The following MZF1 variants were observed in gnomAD, a reference collection of about 807,000 sequenced individuals.
MZF1 encodes myeloid zinc finger 1.
In MZF1, 24 loss-of-function variants were observed where a neutral mutation model predicts 28.6. The ratio of observed to expected loss-of-function variants is 0.84; its 90% CI spans 0.61 to 1.18. The LOEUF (loss-of-function observed/expected upper bound fraction) is 1.18. MZF1 is among the 50% of genes most tolerant of loss of function. MZF1 has a pLI of 0.00. For missense variants in MZF1, 1,166 were observed against 1,026.4 expected (o/e 1.14, Z -1.86); for synonymous variants, 516 against 432.5 (o/e 1.19, Z -2.40).
At chr19:58,570,585 T>C in intron 2 of MZF1, 58 bp from the exon 3 acceptor site, 1 of 1,534,814 alleles carries the variant, frequency 6.5e-7, no homozygotes. Context: ...GGCCGCAACC[T>C]GGGGTTTGTG....
intron 5 of MZF1, among the ~76,000 whole-genome samples, chr19:58,566,635 T>C (rs1465411405): frequency 1.3e-5 from 2 of 152,100 alleles, no homozygotes; most frequent in African/African-American, 2.4e-5. Flanking sequence ...TCCTAACATA[T>C]GAATGTATTA....
At position 58,563,178 on chromosome 19, in the gene MZF1, G is replaced by C; in HGVS notation, c.1099C>G (p.Gln367Glu). Residue 367 changes from glutamine to glutamate, a missense_variant, in exon 6 of 6, where the codon CAA becomes GAA. Physicochemically the swap from Gln to Glu is conservative, Grantham distance 29. Coordinates refer to ENST00000215057, the MANE Select transcript of MZF1 (RefSeq NM_198055.2). ...TGGTGCCTCAGCAGGTTGCTGCGTTGGCTGAACACCTTGCCACATACATCG... is the reference window on the plus strand; with the variant it reads ...TGGTGCCTCAGCAGGTTGCTGCGTTCGCTGAACACCTTGCCACATACATCG... ...RCDVCGKVFS[Q>E]RSNLLRHQKI... 1 of 1,610,850 alleles carries C rather than the reference G, an allele frequency of 6.2e-7. No individual in the cohort carries two copies. Among genetic ancestry groups the C allele is most frequent in the Non-Finnish European group, 8.5e-7 (1 of 1,179,716 alleles).
chr19:58,569,818 C>T (rs930808551), intron 3 of MZF1: 6 of 520,426 alleles, frequency 1.2e-5, no homozygotes, highest in Non-Finnish European at 2.1e-5. Flanking sequence ...AGGTTTGTGC[C>T]CCTGTAGCCG....
In MZF1 at chr19:58,564,919, T is replaced by G. The variant is rs1022112178; in HGVS notation, c.773-1415A>C. 9.5e-4 allele frequency among the ~76,000 whole-genome samples: 116 copies of G among 121,680 alleles called. 1 individual carries two copies. Among genetic ancestry groups the G allele is most frequent in the East Asian group, 1.9e-3 (8 of 4,252 alleles). The allele number at this position is 121,680 out of a possible 152,430, so 79.8% of individuals were successfully genotyped here. A position where few individuals can be genotyped will look rare whatever the true frequency, so the allele number is the denominator to read the frequency against. On this transcript the variant is annotated intron_variant, in intron 5 of 5. Coordinates refer to ENST00000215057, the MANE Select transcript of MZF1 (RefSeq NM_198055.2). ...ATGTGTGTGTTTTTTTTTTTTTTTT[T>G]TTTTTTTTTTTTTTTTTTTGAGACT... is the stretch of plus-strand genomic sequence containing the variant.
Position 58,571,161 on chromosome 19 carries a change from C to G in MZF1, c.229G>C (p.Val77Leu). Residue 77 changes from valine (V) to leucine (L), a missense_variant, in exon 2 of 6, where the codon GTA becomes CTA. Val to Leu is a conservative substitution (Grantham distance 32, BLOSUM62 1). Transcript: ENST00000215057. Reference sequence around the variant, plus strand: ...TCCAGCATCTGCTCCTTGGAGCGTACCTCTGGACGCAGCCACTGGCGACAC... The same window carrying G: ...TCCAGCATCTGCTCCTTGGAGCGTAGCTCTGGACGCAGCCACTGGCGACAC... The part of the protein sequence containing the change: ...ELCRQWLRPE[V>L]RSKEQMLELL... The G allele has an allele frequency of 1.2e-6, 2 of 1,613,976 alleles. No individual in the cohort carries two copies. The highest frequency in any genetic ancestry group is 2.2e-5 in the South Asian group (2 of 91,050).
At chr19:58,565,153 G>C (rs1353948455) in intron 5 of MZF1, among the ~76,000 whole-genome samples, 3 of 151,038 alleles carry the variant, frequency 2.0e-5, no homozygotes, top group African/African-American at 7.3e-5. Flanking sequence ...GAGTGCAATG[G>C]CGTGTTCTCT....
At chr19:58,572,280 G>C (rs951466618) in intron 1 of MZF1, among the ~76,000 whole-genome samples, 1 of 152,084 alleles carries the variant, frequency 6.6e-6, no homozygotes, top group African/African-American at 2.4e-5. Context: ...GCAGTCACTT[G>C]TATGGCTCAG....
chr19:58,569,434 C>T (rs766729800), intron 4 of MZF1, 37 bp from the exon 5 acceptor site: 43 of 1,613,868 alleles, frequency 2.7e-5, no homozygotes, highest in Non-Finnish European at 3.6e-5. Flanking sequence ...CTGTGCCTGG[C>T]TGGGCTCAGG....
At chr19:58,572,764 A>T in intron 1 of MZF1, 1 of 518,924 alleles carries the variant, frequency 1.9e-6, no homozygotes, top group Non-Finnish European at 3.2e-6. Flanking sequence ...GTACCTACGG[A>T]GGGTCCCGAA....
At chr19:58,565,441 G>A (rs994375063) in intron 5 of MZF1, among the ~76,000 whole-genome samples, 6 of 152,040 alleles carry the variant, frequency 3.9e-5, no homozygotes, top group Non-Finnish European at 5.9e-5. Context: ...TGTTGGCCAG[G>A]CTGGTCTCGA....
Position 58,570,221 on chromosome 19 carries a change from G to T in MZF1, c.580+123C>A, listed in dbSNP as rs2054132308. The T allele has an allele frequency of 3.7e-6, 4 of 1,069,500 alleles. No homozygotes were observed. In the East Asian group the frequency reaches 1.0e-4, roughly 27 times the overall value. The allele number at this position is 1,069,500 out of a possible 1,614,324, so 66.3% of individuals were successfully genotyped here. ...GACTGGGTAGAATGTGGGGGCTGCT[G>T]GCAGATGGAAACCATTCCATTTATA... On this transcript the variant is annotated intron_variant, in intron 3 of 5. Transcript: ENST00000215057.
chr19:58,566,318 C>G (rs1329523457), intron 5 of MZF1, among the ~76,000 whole-genome samples: 1 of 150,626 alleles, frequency 6.6e-6, no homozygotes. Context: ...CGTGGTGGAG[C>G]ATGACTGTAA....
rs879704333 is a variant in MZF1, at chr19:58,572,738, A to G, written c.-41+317T>C. The G allele has an allele frequency of 4.2e-6, 3 of 720,604 alleles. No individual in the cohort carries two copies. The African/African-American group carries it at 5.5e-5, about 13-fold the overall frequency. 44.6% of individuals were successfully genotyped at this position (720,604 alleles called of 1,614,324 possible). ...TGAAACCCTGGGAGAGACTTGGGTC[A>G]TAGCCAAGATGGCAGGTACCTACGG... On this transcript the variant is annotated intron_variant, in intron 1 of 5. Coordinates refer to ENST00000215057, the MANE Select transcript of MZF1 (RefSeq NM_198055.2).
intron 5 of MZF1, 131 bp downstream of exon 5, chr19:58,569,146 T>G: frequency 3.4e-5 from 43 of 1,254,506 alleles, no homozygotes; most frequent in East Asian, 9.8e-5. Flanking sequence ...TTATAGGGGA[T>G]GATCTAGGGA....
At chr19:58,571,681 G>C (rs2054166574) in intron 1 of MZF1, 2 of 388,578 alleles carry the variant, frequency 5.1e-6, no homozygotes, top group Non-Finnish European at 9.3e-6. Flanking sequence ...CCAAACACAG[G>C]CTTTTTTTTC....
chr19:58,562,937 T>C lies in MZF1; in HGVS notation c.1340A>G (p.Gln447Arg). Residue 447 changes from glutamine (Q) to arginine (R), a missense_variant, in exon 6 of 6, where the codon CAG (glutamine) becomes CGG (arginine). By Grantham distance (43) the Gln-to-Arg change is conservative. Transcript: ENST00000215057. ...EQPFRCAECGQSFRQRSNLLQ... is the reference protein window; with the variant it reads ...EQPFRCAECGRSFRQRSNLLQ... Reference sequence around the variant, plus strand: ...CAGATTGGAGCGCTGCCGGAAGCTCTGGCCGCACTCAGCGCAACGGAAAGG... The same window carrying C: ...CAGATTGGAGCGCTGCCGGAAGCTCCGGCCGCACTCAGCGCAACGGAAAGG... The C allele has an allele frequency of 6.3e-7, 1 of 1,597,596 alleles. No individual in the cohort carries two copies. The highest frequency in any genetic ancestry group is 1.1e-5 in the South Asian group (1 of 90,726).
intron 5 of MZF1, chr19:58,564,656 A>G (rs368477965): frequency 6.6e-6 from 1 of 152,202 alleles, no homozygotes; most frequent in Admixed American, 6.5e-5. Flanking sequence ...AAATCCATCA[A>G]AACAGCAAAT....
intron 1 of MZF1, chr19:58,572,677 G>C: frequency 1.2e-5 from 15 of 1,256,688 alleles, no homozygotes; most frequent in Non-Finnish European, 1.5e-5. Context: ...TCATCCTGGG[G>C]GCCAAGCCTC....
Position 58,569,579 on chromosome 19 carries a change from C to T in MZF1, c.588G>A (p.Leu196=), listed in dbSNP as rs369581486. 1 of 1,602,362 alleles carries T rather than the reference C, an allele frequency of 6.2e-7. No homozygotes were observed. Among genetic ancestry groups the T allele is most frequent in the Non-Finnish European group, 8.5e-7 (1 of 1,173,122 alleles). Reference sequence around the variant, plus strand: ...GGGTGGCAGCTAGAGGCCCAGACTCCAGGAAATCTAGAGAGGAAAACTGGT... The same window carrying T: ...GGGTGGCAGCTAGAGGCCCAGACTCTAGGAAATCTAGAGAGGAAAACTGGT... ...ESEVTEDSDF[L]ESGPLAATQE... is the part of the protein sequence containing the mutation. Residue 196 remains leucine, a synonymous_variant, in exon 4 of 6, where the codon CTG becomes CTA. Transcript: ENST00000215057.
Sources: gnomAD v4.1 joint callset for allele counts (sites outside exome capture counted in the v4.1 genomes callset) on GRCh38, gnomAD v4.1.1 for gene constraint, MANE v1.5 for transcripts, NCBI Gene and HGNC (gene_info 2026-07-23, HGNC 2026-07-21) for gene names.